Variants in BORCS8 observed in about 807,000 individuals in gnomAD.
The protein encoded by BORCS8 is BLOC-1 related complex subunit 8.
A neutral mutation model predicts 18.7 loss-of-function variants in BORCS8; 13 were observed. That is an observed-to-expected ratio of 0.70 (90% confidence interval 0.45 to 1.11). The LOEUF is 1.11. BORCS8 is among the 50% of genes least tolerant of loss of function. The probability of loss-of-function intolerance (pLI) is 0.00; values close to 1 mark genes in which losing one functional copy is unlikely to be tolerated. For missense variants in BORCS8, 165 were observed against 165.7 expected (o/e 1.00, Z 0.02); for synonymous variants, 68 against 64.8 (o/e 1.05, Z -0.24).
At chr19:19,189,647 C>T (rs1222793493) in intron 1 of BORCS8, among the ~76,000 whole-genome samples, 2 of 152,116 alleles carry the variant, frequency 1.3e-5, no homozygotes, top group Non-Finnish European at 1.5e-5. Context: ...AGACCAACGC[C>T]GGGTGCGGTG....
Position 19,180,714 on chromosome 19 carries a change from A to C in BORCS8, c.*14T>G. On this transcript the variant is annotated 3_prime_UTR_variant, in exon 5 of 6. Transcript: ENST00000462790. ...GGTTGGCGGAGGCTGGGGGGCCCCGAGTCTCTTCCAGGATCAGGCTGAGGA... is the reference window on the plus strand; with the variant it reads ...GGTTGGCGGAGGCTGGGGGGCCCCGCGTCTCTTCCAGGATCAGGCTGAGGA... The C allele has an allele frequency of 4.5e-6, 7 of 1,549,836 alleles. No homozygotes were observed. The highest frequency in any genetic ancestry group is 6.1e-6 in the Non-Finnish European group (7 of 1,146,560).
chr19:19,181,734 CTT>C (rs910098590), intron 4 of BORCS8: 5 of 361,728 alleles, frequency 1.4e-5, no homozygotes, highest in African/African-American at 8.8e-5. Flanking sequence ...ACACTCAAGT[CTT>C]GTTTCTGCAA....
intron 3 of BORCS8, among the ~76,000 whole-genome samples, chr19:19,185,323 C>T (rs536007475): frequency 3.3e-5 from 5 of 152,290 alleles, no homozygotes; most frequent in African/African-American, 1.2e-4. Flanking sequence ...CCGAGGCAAC[C>T]GGAATAAGGC....
rs534264107 is a variant in BORCS8, at chr19:19,185,542, C to T, written c.215+492G>A. ...CTCTGCTAAAAATACAAAAATTAGC[C>T]GGGCAAGGTGGCGGGCGCCTGTAGT... On this transcript the variant is annotated intron_variant, in intron 3 of 5. Coordinates refer to ENST00000462790, the MANE Select transcript of BORCS8 (RefSeq NM_001145784.2). Among the ~76,000 whole-genome samples the T allele has an allele frequency of 3.9e-5, 6 of 152,192 alleles. No homozygotes were observed. In the East Asian group the frequency reaches 1.2e-3, roughly 29 times the overall value.
At chr19:19,190,881 G>A (rs1487374435) in intron 1 of BORCS8, among the ~76,000 whole-genome samples, 2 of 152,014 alleles carry the variant, frequency 1.3e-5, no homozygotes, top group Admixed American at 6.6e-5. Flanking sequence ...CATGGTTCCC[G>A]AATCTGTGGA....
At chr19:19,186,177 G>C in intron 2 of BORCS8, 79 bp from the exon 3 acceptor site, 1 of 1,371,822 alleles carries the variant, frequency 7.3e-7, no homozygotes, top group South Asian at 1.2e-5. Flanking sequence ...TCTTGGTTGG[G>C]GCTCTCCTGA....
chr19:19,178,497 G>A (rs2060321024), intron 5 of BORCS8: 1 of 152,636 alleles, frequency 6.6e-6, no homozygotes, highest in African/African-American at 2.4e-5. Context: ...GCATTTCTGG[G>A]CGTGGGCGAT....
At position 19,180,682 on chromosome 19, in the gene BORCS8, T is replaced by G; in HGVS notation, c.*42+4A>C. On this transcript the variant is annotated splice_donor_region_variant and intron_variant, in intron 5 of 5. Coordinates refer to ENST00000462790, the MANE Select transcript of BORCS8 (RefSeq NM_001145784.2). ...AGAGGCTCGTGGCTACCCTCGGCAC[T>G]GACCTGGGTTGGCGGAGGCTGGGGG... The G allele has an allele frequency of 1.3e-6, 2 of 1,538,330 alleles. No homozygotes were observed.
rs570508079 is a variant in BORCS8, at chr19:19,182,579, C to A, written c.320G>T (p.Gly107Val). Residue 107 changes from glycine (G) to valine (V), a missense_variant, in exon 4 of 6, where the codon GGC (glycine) becomes GTC (valine). Coordinates refer to ENST00000462790, the MANE Select transcript of BORCS8 (RefSeq NM_001145784.2). This position sits in a 1 kb window ranked among gnomAD's most constrained non-coding sequence, Gnocchi z 4.1. ...GGGCGGTCCCAGGAGCTACCTGTGG[C>A]CCTGGGCACTGGCATTCATATGGTC... Reference protein sequence around the residue: ...IRDHMNASAQGHSPEEPPPPS... With the variant: ...IRDHMNASAQVHSPEEPPPPS... The A allele has an allele frequency of 3.9e-6, 6 of 1,550,536 alleles. No homozygotes were observed. In the Admixed American group the frequency reaches 1.2e-4, roughly 30 times the overall value.
At position 19,182,813 on chromosome 19, in the gene BORCS8, C is replaced by T; in HGVS notation, c.216-130G>A. Reference sequence around the variant, plus strand: ...TTCTGCGGGCTTCCCGAAGGACTCACAGTGGGCTTACATTTTAGATTTCCC... The same window carrying T: ...TTCTGCGGGCTTCCCGAAGGACTCATAGTGGGCTTACATTTTAGATTTCCC... On this transcript the variant is annotated intron_variant, in intron 3 of 5. Coordinates refer to ENST00000462790, the MANE Select transcript of BORCS8 (RefSeq NM_001145784.2). The surrounding 1 kb of genome is among the most constrained non-coding windows in gnomAD (Gnocchi z 4.1). 1 of 1,216,528 alleles carries T rather than the reference C, an allele frequency of 8.2e-7. No individual in the cohort carries two copies. The allele number at this position is 1,216,528 out of a possible 1,614,324, so 75.4% of individuals were successfully genotyped here.
intron 5 of BORCS8, chr19:19,179,538 T>A (rs1440973013): frequency 2.0e-5 from 3 of 152,682 alleles, no homozygotes; most frequent in Admixed American, 6.5e-5. Flanking sequence ...CTACAGAGGC[T>A]CTGTCTCCAC....
intron 4 of BORCS8, among the ~76,000 whole-genome samples, chr19:19,181,283 T>G (rs1406366586): frequency 2.0e-5 from 3 of 150,428 alleles, no homozygotes. Context: ...GAGAATTGCT[T>G]GAGCCCAGGG....
chr19:19,182,691 G>A lies in BORCS8; in HGVS notation c.216-8C>T, dbSNP rs751263645. On this transcript the variant is annotated splice_region_variant and splice_polypyrimidine_tract_variant and intron_variant, in intron 3 of 5. Transcript: ENST00000462790. The surrounding 1 kb of genome is among the most constrained non-coding windows in gnomAD (Gnocchi z 4.1). The stretch of plus-strand genomic sequence containing the variant: ...ACCAGGTTCTTCACGGCGCTGAAAC[G>A]GGAGGACAGGCCTGGTCAGCGCTCC... 7.7e-6 allele frequency: 12 copies of A among 1,549,102 alleles called. No homozygotes were observed. Among genetic ancestry groups the A allele is most frequent in the African/African-American group, 4.1e-5 (3 of 72,996 alleles).
Position 19,182,520 on chromosome 19 carries a change from G to C in BORCS8, c.326+53C>G, listed in dbSNP as rs1381708949. On this transcript the variant is annotated intron_variant, in intron 4 of 5. Coordinates refer to ENST00000462790, the MANE Select transcript of BORCS8 (RefSeq NM_001145784.2). This position sits in a 1 kb window ranked among gnomAD's most constrained non-coding sequence, Gnocchi z 4.1. ...GCAGCGGTTCCCAGCGCAGCTGAGA[G>C]ACGGTCCTTGCAGCTGGGAGTGGCA... 1.3e-6 allele frequency: 2 copies of C among 1,534,150 alleles called. No individual in the cohort carries two copies. The highest frequency in any genetic ancestry group is 2.4e-5 in the South Asian group (2 of 83,436).
chr19:19,185,006 T>G (rs935232097), intron 3 of BORCS8, among the ~76,000 whole-genome samples: 15 of 152,260 alleles, frequency 9.9e-5, no homozygotes, highest in Admixed American at 2.6e-4. Flanking sequence ...GCTGGAACTA[T>G]AGGCGTGCAT....
chr19:19,184,824 T>A (rs2060390426), intron 3 of BORCS8, among the ~76,000 whole-genome samples: 1 of 152,134 alleles, frequency 6.6e-6, no homozygotes, highest in South Asian at 2.1e-4. Flanking sequence ...GGTCTCAAAC[T>A]CCTGGGCTGA....
rs2060297804 is a variant in BORCS8, at chr19:19,177,188, G to A, written c.*315C>T. 3 of 152,206 alleles carry A rather than the reference G, an allele frequency of 2.0e-5. No individual in the cohort carries two copies. The highest frequency in any genetic ancestry group is 6.5e-5 in the Admixed American group (1 of 15,280). The allele number at this position is 152,206 out of a possible 1,614,324, so 9.4% of individuals were successfully genotyped here. ...AGGCCGAGGTGCCACATCCACCACTGGAACTAGGGGTGGCTTCTCCATGTG... is the reference window on the plus strand; with the variant it reads ...AGGCCGAGGTGCCACATCCACCACTAGAACTAGGGGTGGCTTCTCCATGTG... On this transcript the variant is annotated 3_prime_UTR_variant, in exon 6 of 6. Transcript: ENST00000462790.
Position 19,185,010 on chromosome 19 carries a change from C to T in BORCS8, c.215+1024G>A, listed in dbSNP as rs529404073. Among the ~76,000 whole-genome samples the T allele has an allele frequency of 8.1e-4, 124 of 152,358 alleles. 1 individual carries two copies. Among genetic ancestry groups the T allele is most frequent in the African/African-American group, 2.9e-3 (120 of 41,590 alleles). ...CCTCCTGAGTAGCTGGAACTATAGGCGTGCATAACCATTCCCAGCTCTAGC... is the reference window on the plus strand; with the variant it reads ...CCTCCTGAGTAGCTGGAACTATAGGTGTGCATAACCATTCCCAGCTCTAGC... On this transcript the variant is annotated intron_variant, in intron 3 of 5. Coordinates refer to ENST00000462790, the MANE Select transcript of BORCS8 (RefSeq NM_001145784.2).
chr19:19,185,322 C>T (rs1292245754), intron 3 of BORCS8, among the ~76,000 whole-genome samples: 1 of 152,168 alleles, frequency 6.6e-6, no homozygotes, highest in East Asian at 1.9e-4. Context: ...CCCGAGGCAA[C>T]CGGAATAAGG....
Sources: allele counts gnomAD v4.1 joint callset (sites outside exome capture counted in the v4.1 genomes callset), GRCh38; gene constraint gnomAD v4.1.1; non-coding constraint Gnocchi (gnomAD v3.1); transcripts MANE v1.5; gene names NCBI Gene and HGNC (gene_info 2026-07-23, HGNC 2026-07-21).